The following ALK variants were observed in gnomAD, a reference collection of about 807,000 sequenced individuals.
ALK encodes ALK tyrosine kinase receptor.
ALK carries 74 observed loss-of-function variants against 163.1 expected under a neutral mutation model. That is an observed-to-expected ratio of 0.45 (90% CI 0.38 to 0.55). ALK has a LOEUF of 0.55. Ranked by LOEUF, ALK falls within the 20% of genes least tolerant of loss-of-function variation. The pLI is 0.00. For synonymous variants in ALK, 960 were observed against 843.2 expected (o/e 1.14, Z -2.40); for missense variants, 2,063 against 2,105.3 (o/e 0.98, Z 0.39).
chr2:29,750,675 GGA>G (rs1680334894), intron 1 of ALK, among the ~76,000 whole-genome samples: 1 of 140,770 alleles, frequency 7.1e-6, no homozygotes, highest in Non-Finnish European at 1.6e-5. Flanking sequence ...AAGGAAGGAA[GGA>G]AGGAAGGAAG....
At chr2:29,340,592 G>T (rs957932289) in intron 5 of ALK, among the ~76,000 whole-genome samples, 8 of 152,194 alleles carry the variant, frequency 5.3e-5, no homozygotes, top group Non-Finnish European at 5.9e-5. Context: ...CATAGCAATA[G>T]CTTCCACCCT....
At chr2:29,802,777 C>CTTTT (rs376874161) in intron 1 of ALK, among the ~76,000 whole-genome samples, 8 of 140,282 alleles carry the variant, frequency 5.7e-5, no homozygotes, top group Non-Finnish European at 1.1e-4. Context: ...GACTGGAACT[C>CTTTT]TTTTTTTTTT....
At chr2:29,786,351 C>T (rs1664024268) in intron 1 of ALK, among the ~76,000 whole-genome samples, 1 of 152,204 alleles carries the variant, frequency 6.6e-6, no homozygotes, top group South Asian at 2.1e-4. Context: ...TGGAAACCAT[C>T]TTATTCCATT....
In ALK at chr2:29,920,277, T is replaced by C. The variant is rs756510939; in HGVS notation, c.383A>G (p.Lys128Arg). ...AEARTLSRVL[K>R]GGSVRKLRRA... ...CCGGAGCTTGCGCACGGAGCCGCCC[T>C]TCAGCACCCTGGACAGCGTCCGGGC... Residue 128 changes from lysine to arginine, a missense_variant, in exon 1 of 29, where the codon AAG (lysine) becomes AGG (arginine). Around this residue, in one of 5 missense-constraint regions of ALK, gnomAD observed 987 missense variants for 939.5 expected, o/e 1.05. Transcript: ENST00000389048. The C allele has an allele frequency of 4.4e-6, 7 of 1,588,848 alleles. No individual in the cohort carries two copies. Among genetic ancestry groups the C allele is most frequent in the African/African-American group, 1.3e-5 (1 of 74,446 alleles).
chr2:29,404,297 G>C (rs1669526948), intron 4 of ALK, among the ~76,000 whole-genome samples: 1 of 91,326 alleles, frequency 1.1e-5, no homozygotes, highest in Non-Finnish European at 2.1e-5. Context: ...CACGGAGCAA[G>C]ACTCCGTCTC....
intron 3 of ALK, among the ~76,000 whole-genome samples, chr2:29,537,947 A>G (rs1673304915): frequency 6.6e-6 from 1 of 152,204 alleles, no homozygotes; most frequent in Non-Finnish European, 1.5e-5. Flanking sequence ...TGTGATGCCT[A>G]TTACCCCTTT....
chr2:29,587,451 C>T (rs986486960), intron 3 of ALK, among the ~76,000 whole-genome samples: 1 of 151,928 alleles, frequency 6.6e-6, no homozygotes, highest in Admixed American at 6.6e-5. Context: ...TTCTTCTGCC[C>T]CTACAAGAGT....
chr2:29,850,100 AATCAATGGCAGT>A (rs1665951718), intron 1 of ALK, among the ~76,000 whole-genome samples: 13 of 152,224 alleles, frequency 8.5e-5, no homozygotes, highest in Admixed American at 8.5e-4. Flanking sequence ...GAACAAGACA[AATCAATGGCAGT>A]GTATACACGT....
chr2:29,769,351 CTG>C (rs1023199891), intron 1 of ALK, among the ~76,000 whole-genome samples: 1 of 152,110 alleles, frequency 6.6e-6, no homozygotes, highest in African/African-American at 2.4e-5. Flanking sequence ...TCACTTTTTT[CTG>C]TGTCTTTTTT....
At chr2:29,898,619 C>T (rs924228103) in intron 1 of ALK, among the ~76,000 whole-genome samples, 2 of 152,166 alleles carry the variant, frequency 1.3e-5, no homozygotes, top group African/African-American at 4.8e-5. Flanking sequence ...TTAGAAGTAA[C>T]CGCCACATCA....
At chr2:29,283,302 G>C (rs1360972799) in intron 9 of ALK, among the ~76,000 whole-genome samples, 1 of 152,126 alleles carries the variant, frequency 6.6e-6, no homozygotes, top group African/African-American at 2.4e-5. Context: ...CCGTACCATC[G>C]GAAAAGTAGA....
intron 4 of ALK, among the ~76,000 whole-genome samples, chr2:29,453,478 C>T (rs1053304161): frequency 2.0e-4 from 31 of 152,048 alleles, no homozygotes; most frequent in African/African-American, 7.0e-4. Context: ...TCAAGCAGTC[C>T]TCCTGCCTTG....
intron 5 of ALK, among the ~76,000 whole-genome samples, chr2:29,362,699 A>G (rs1380717317): frequency 6.6e-6 from 1 of 152,104 alleles, no homozygotes; most frequent in African/African-American, 2.4e-5. Flanking sequence ...ACCTCACTAT[A>G]TTGTAGTCCC....
At chr2:29,562,787 G>A (rs1282817186) in intron 3 of ALK, among the ~76,000 whole-genome samples, 2 of 152,234 alleles carry the variant, frequency 1.3e-5, no homozygotes, top group Non-Finnish European at 2.9e-5. Flanking sequence ...TATTTCTTAA[G>A]TATTAGCCTT....
At chr2:29,717,271 AT>A (rs1679289099) in intron 2 of ALK, among the ~76,000 whole-genome samples, 2 of 152,070 alleles carry the variant, frequency 1.3e-5, no homozygotes. Context: ...GCAAATAAGC[AT>A]CTCCTCTAAT....
chr2:29,487,959 T>G (rs1252964774), intron 4 of ALK, among the ~76,000 whole-genome samples: 1 of 152,188 alleles, frequency 6.6e-6, no homozygotes, highest in African/African-American at 2.4e-5. Flanking sequence ...TGGGCTTCTC[T>G]GCTCAGTTTA....
At chr2:29,844,809 C>A (rs180944530) in intron 1 of ALK, among the ~76,000 whole-genome samples, 412 of 151,954 alleles carry the variant, frequency 2.7e-3, no homozygotes, top group Non-Finnish European at 4.2e-3. Flanking sequence ...ATGTTGCTAG[C>A]AGCAGAGATG....
chr2:29,549,589 T>C (rs1421904729), intron 3 of ALK, among the ~76,000 whole-genome samples: 1 of 152,230 alleles, frequency 6.6e-6, no homozygotes, highest in East Asian at 1.9e-4. Flanking sequence ...GTTTAAGTAC[T>C]GAAACTTAAT....
chr2:29,356,797 G>C (rs1478399584), intron 5 of ALK, among the ~76,000 whole-genome samples: 1 of 152,182 alleles, frequency 6.6e-6, no homozygotes, highest in Non-Finnish European at 1.5e-5. Context: ...CTCTTGTGCA[G>C]CTGCAGGGTG....
Sources: allele counts gnomAD v4.1 joint callset (sites outside exome capture counted in the v4.1 genomes callset), GRCh38; gene constraint gnomAD v4.1.1; regional missense constraint gnomAD v4.1.1; transcripts MANE v1.5; gene names NCBI Gene and HGNC (gene_info 2026-07-23, HGNC 2026-07-21).